SMCO4: variants seen among roughly 807,000 people sequenced by gnomAD.
SMCO4 encodes the protein single-pass membrane and coiled-coil domain-containing protein 4.
Under a neutral mutation model 3.6 loss-of-function variants are expected in SMCO4, and 4 were observed. The observed-to-expected ratio is 1.11, with a 90% CI of 0.54 to 2.53. The LOEUF is 2.53. Ranked by LOEUF, SMCO4 falls within the 30% of genes most tolerant of loss-of-function variation. SMCO4 has a pLI of 0.02. For synonymous variants in SMCO4, 36 were observed against 35.3 expected (o/e 1.02, Z -0.07); for missense variants, 70 against 80.8 (o/e 0.87, Z 0.51).
At chr11:93,507,381 T>G (rs897565705) in intron 1 of SMCO4, among the ~76,000 whole-genome samples, 1 of 152,158 alleles carries the variant, frequency 6.6e-6, no homozygotes, top group South Asian at 2.1e-4. Flanking sequence ...GCCTGGGGGA[T>G]AGAGACTCTA....
chr11:93,518,876 A>T (rs1391008480), intron 1 of SMCO4, among the ~76,000 whole-genome samples: 2 of 152,180 alleles, frequency 1.3e-5, no homozygotes, highest in Non-Finnish European at 2.9e-5. Context: ...GGCCATTAAC[A>T]GGGGCGGCCT....
At chr11:93,497,779 G>T (rs1165243897) in intron 2 of SMCO4, among the ~76,000 whole-genome samples, 1 of 152,184 alleles carries the variant, frequency 6.6e-6, no homozygotes, top group African/African-American at 2.4e-5. Flanking sequence ...TCCCAGGACT[G>T]GTGGGAGAAG....
At chr11:93,536,271 A>C (rs561984630) in intron 1 of SMCO4, among the ~76,000 whole-genome samples, 1 of 152,256 alleles carries the variant, frequency 6.6e-6, no homozygotes, top group African/African-American at 2.4e-5. Context: ...TAGTATGGGT[A>C]CTGCTGCAAC....
chr11:93,550,841 C>T, the SMCO4 span, among the ~76,000 whole-genome samples: 1 of 152,144 alleles, frequency 6.6e-6, no homozygotes, highest in East Asian at 1.9e-4. Context: ...TAAAAAATAA[C>T]ACTTAATTAC....
At chr11:93,507,375 G>C (rs887476923) in intron 1 of SMCO4, among the ~76,000 whole-genome samples, 5 of 152,280 alleles carry the variant, frequency 3.3e-5, no homozygotes, top group Non-Finnish European at 5.9e-5. Context: ...ACTTCAGCCT[G>C]GGGGATAGAG....
At chr11:93,497,179 C>T (rs918364069) in intron 2 of SMCO4, among the ~76,000 whole-genome samples, 9 of 152,182 alleles carry the variant, frequency 5.9e-5, no homozygotes, top group Non-Finnish European at 1.0e-4. Context: ...TGACAATCCA[C>T]TTTCATTAAA....
At chr11:93,502,777 G>C (rs1317712532) in intron 1 of SMCO4, among the ~76,000 whole-genome samples, 1 of 152,096 alleles carries the variant, frequency 6.6e-6, no homozygotes, top group South Asian at 2.1e-4. Context: ...CAAAAGGACA[G>C]AATTAGACAA....
intron 1 of SMCO4, among the ~76,000 whole-genome samples, chr11:93,511,387 G>C (rs1565382053): frequency 6.6e-6 from 1 of 152,028 alleles, no homozygotes; most frequent in African/African-American, 2.4e-5. Context: ...AACTACAGCA[G>C]GTCCTCAAAT....
At position 93,514,416 on chromosome 11, in the gene SMCO4, ATAT is replaced by A. The variant is rs1565383137; in HGVS notation, c.-153-15071_-153-15069del. ...TATATATATATATATATATATATATATATATAAAATTTGGTCTCTTCCAAAGAT... is the reference window on the plus strand; with the variant it reads ...TATATATATATATATATATATATATAATAAAATTTGGTCTCTTCCAAAGAT... On this transcript the variant is annotated intron_variant, in intron 1 of 2. Transcript: ENST00000298966. Among the ~76,000 whole-genome samples, 126 of 49,144 alleles carry A rather than the reference ATAT, an allele frequency of 2.6e-3. 1 individual carries two copies. Among genetic ancestry groups the A allele is most frequent in the African/African-American group, 7.5e-3 (116 of 15,554 alleles). 32.2% of individuals were successfully genotyped at this position (49,144 alleles called of 152,430 possible).
intron 1 of SMCO4, among the ~76,000 whole-genome samples, chr11:93,530,100 G>A (rs914245666): frequency 5.9e-5 from 9 of 152,338 alleles, no homozygotes; most frequent in Non-Finnish European, 1.0e-4. Flanking sequence ...AATCCTGGAA[G>A]CCCAGAAGAA....
chr11:93,485,163 T>C (rs993399902), intron 2 of SMCO4, among the ~76,000 whole-genome samples: 5 of 152,246 alleles, frequency 3.3e-5, no homozygotes, highest in Non-Finnish European at 7.3e-5. Context: ...TTAAATTCCA[T>C]GAGTAGCTGG....
intron 1 of SMCO4, among the ~76,000 whole-genome samples, chr11:93,521,893 A>G (rs1487791724): frequency 6.6e-6 from 1 of 152,176 alleles, no homozygotes; most frequent in Non-Finnish European, 1.5e-5. Context: ...TTGATCATTG[A>G]TCCACAGTCA....
intron 2 of SMCO4, among the ~76,000 whole-genome samples, chr11:93,498,044 TCAA>T (rs1447070402): frequency 6.6e-6 from 1 of 152,122 alleles, no homozygotes; most frequent in Admixed American, 6.6e-5. Flanking sequence ...CTCACAGGAT[TCAA>T]CCACTTGGAT....
intron 1 of SMCO4, among the ~76,000 whole-genome samples, chr11:93,534,212 A>G (rs1949191068): frequency 1.4e-5 from 1 of 72,438 alleles, no homozygotes; most frequent in African/African-American, 5.7e-5. Context: ...AAAAATATAT[A>G]TATACACACA....
chr11:93,534,279 CAT>C, intron 1 of SMCO4, among the ~76,000 whole-genome samples: 1 of 142,620 alleles, frequency 7.0e-6, no homozygotes, highest in East Asian at 2.0e-4. Flanking sequence ...TATATATATA[CAT>C]ATATACACAC....
At position 93,479,013 on chromosome 11, in the gene SMCO4, C is replaced by G. The variant is rs578160237; in HGVS notation, c.177G>C (p.Glu59Asp). The G allele has an allele frequency of 9.1e-5, 146 of 1,604,700 alleles. 3 individuals are homozygous for G. In the South Asian group the frequency reaches 1.3e-3, roughly 15 times the overall value. Residue 59 changes from glutamate to aspartate, a missense_variant, in exon 3 of 3, where the codon GAG (glutamate) becomes GAC (aspartate). By Grantham distance (45) the Glu-to-Asp change is conservative. Transcript: ENST00000298966. ...GGTCCGCAGCCGGCTGCGGGGCTCA[C>G]TCGGTGATGGTGGGGCGCGTGGCCA... ...VYVATRPTITE is the reference protein window; with the variant it reads ...VYVATRPTITD
At position 93,478,976 on chromosome 11, in the gene SMCO4, C is replaced by T; in HGVS notation, c.*34G>A. The T allele has an allele frequency of 6.3e-7, 1 of 1,577,628 alleles. No individual in the cohort carries two copies. On this transcript the variant is annotated 3_prime_UTR_variant, in exon 3 of 3. Coordinates refer to ENST00000298966, the MANE Select transcript of SMCO4 (RefSeq NM_020179.3). ...TGCGTCCCCCTCCCGCGCCTCCTCT[C>T]CCTGCCGATGGGGTCCGCAGCCGGC...
At chr11:93,540,202 A>C (rs1295647633) in intron 1 of SMCO4, among the ~76,000 whole-genome samples, 1 of 152,212 alleles carries the variant, frequency 6.6e-6, no homozygotes, top group Non-Finnish European at 1.5e-5. Context: ...CCTGAGGACA[A>C]CTGCTGAAAG....
chr11:93,490,963 A>G (rs960390981), intron 2 of SMCO4, among the ~76,000 whole-genome samples: 8 of 152,348 alleles, frequency 5.3e-5, no homozygotes, highest in African/African-American at 1.9e-4. Context: ...AGTCTTCGCT[A>G]CCTTGATGAA....
Sources: gnomAD v4.1 joint callset for allele counts (sites outside exome capture counted in the v4.1 genomes callset) on GRCh38, gnomAD v4.1.1 for gene constraint, MANE v1.5 for transcripts, NCBI Gene and HGNC (gene_info 2026-07-23, HGNC 2026-07-21) for gene names.